MACROD2: variants seen among roughly 807,000 people sequenced by gnomAD.
MACROD2 encodes mono-ADP ribosylhydrolase 2.
In MACROD2, 36 loss-of-function variants were observed where a neutral mutation model predicts 70.4. That is an observed-to-expected ratio of 0.51 (90% CI 0.39 to 0.68). MACROD2 has a LOEUF of 0.68. MACROD2 is among the 30% of genes least tolerant of loss of function. The pLI is 0.00. For synonymous variants in MACROD2, 172 were observed against 178.8 expected (o/e 0.96, Z 0.30); for missense variants, 496 against 538.4 (o/e 0.92, Z 0.78).
At chr20:15,606,983 C>T (rs1008099389) in intron 8 of MACROD2, among the ~76,000 whole-genome samples, 8 of 139,312 alleles carry the variant, frequency 5.7e-5, no homozygotes, top group Admixed American at 1.5e-4. Flanking sequence ...GCCTGGGCAA[C>T]GAGAGCAAAA....
intron 15 of MACROD2, among the ~76,000 whole-genome samples, chr20:16,039,438 A>G (rs934384075): frequency 2.1e-4 from 32 of 151,858 alleles, no homozygotes; most frequent in Non-Finnish European, 5.9e-5. Flanking sequence ...AAAAGGCCTT[A>G]TATATTAAAG....
intron 15 of MACROD2, among the ~76,000 whole-genome samples, chr20:16,022,328 G>A (rs2067014854): frequency 6.6e-6 from 1 of 152,140 alleles, no homozygotes; most frequent in Non-Finnish European, 1.5e-5. Flanking sequence ...TGGGATTACA[G>A]GAGTGAGCCA....
chr20:14,842,152 G>A lies in MACROD2; in HGVS notation c.418+157193G>A, dbSNP rs534505362. ...AAGGCATCGCATGGCGAGACCGACC[G>A]TTCTCTAGAGAGAGGAAATGTGGCC... On this transcript the variant is annotated intron_variant, in intron 5 of 17. Coordinates refer to ENST00000684519, the MANE Select transcript of MACROD2 (RefSeq NM_001351661.2). 6.6e-5 allele frequency among the ~76,000 whole-genome samples: 10 copies of A among 152,152 alleles called. 1 individual carries two copies. Among genetic ancestry groups the A allele is most frequent in the Non-Finnish European group, 1.3e-4 (9 of 67,978 alleles).
chr20:14,625,872 G>T (rs1984119684), intron 4 of MACROD2, among the ~76,000 whole-genome samples: 1 of 152,202 alleles, frequency 6.6e-6, no homozygotes, highest in East Asian at 1.9e-4. Context: ...GCCCAGGCTG[G>T]AGTGCAATGG....
intron 3 of MACROD2, among the ~76,000 whole-genome samples, chr20:14,283,487 A>G (rs553728364): frequency 8.5e-5 from 13 of 152,324 alleles, no homozygotes; most frequent in African/African-American, 3.1e-4. Context: ...TTTATTCTCC[A>G]AGAGTGCCTT....
intron 9 of MACROD2, among the ~76,000 whole-genome samples, chr20:15,881,692 C>A (rs931107775): frequency 6.6e-6 from 1 of 151,996 alleles, no homozygotes; most frequent in Non-Finnish European, 1.5e-5. Flanking sequence ...GACCTTGGGG[C>A]CTTTCGTTAG....
chr20:15,741,039 A>G (rs1166760242), intron 8 of MACROD2, among the ~76,000 whole-genome samples: 3 of 151,878 alleles, frequency 2.0e-5, no homozygotes, highest in African/African-American at 7.3e-5. Context: ...CTCACTCAAA[A>G]TAAATGTGGA....
chr20:14,721,101 A>G (rs111340319), intron 5 of MACROD2, among the ~76,000 whole-genome samples: 1,833 of 151,764 alleles, frequency 0.012, 39 homozygotes, highest in African/African-American at 0.042. Flanking sequence ...CTAAAATACA[A>G]AAAGTTAGCT....
At chr20:15,229,548 G>A (rs958540856) in intron 5 of MACROD2, among the ~76,000 whole-genome samples, 4 of 152,022 alleles carry the variant, frequency 2.6e-5, no homozygotes, top group Non-Finnish European at 4.4e-5. Flanking sequence ...GGCTCTTCCC[G>A]TGCCAATCCA....
At chr20:15,636,766 C>T (rs745791157) in intron 8 of MACROD2, among the ~76,000 whole-genome samples, 4 of 152,036 alleles carry the variant, frequency 2.6e-5, no homozygotes, top group African/African-American at 9.7e-5. Flanking sequence ...GAAGACTCAA[C>T]GCCGGGGTCC....
At chr20:15,575,196 G>T (rs56230743) in intron 8 of MACROD2, among the ~76,000 whole-genome samples, 3 of 151,946 alleles carry the variant, frequency 2.0e-5, no homozygotes, top group Admixed American at 6.6e-5. Context: ...TTCTTGCAAG[G>T]TTTGCTTTCA....
At chr20:14,367,244 A>C (rs188368241) in intron 3 of MACROD2, among the ~76,000 whole-genome samples, 28 of 152,344 alleles carry the variant, frequency 1.8e-4, no homozygotes, top group African/African-American at 6.5e-4. Context: ...GTCTGATAAC[A>C]TACATTATAA....
At chr20:15,971,750 G>T (rs2066233955) in intron 13 of MACROD2, among the ~76,000 whole-genome samples, 1 of 151,988 alleles carries the variant, frequency 6.6e-6, no homozygotes, top group Admixed American at 6.6e-5. Flanking sequence ...ATAATAAACT[G>T]TCCTTTATCT....
intron 8 of MACROD2, among the ~76,000 whole-genome samples, chr20:15,784,324 G>A (rs1213097677): frequency 6.6e-6 from 1 of 151,046 alleles, no homozygotes; most frequent in East Asian, 1.9e-4. Context: ...TCTGAGGAAT[G>A]ATTTTTTTCT....
intron 7 of MACROD2, among the ~76,000 whole-genome samples, chr20:15,491,889 CTT>C (rs1465408078): frequency 1.3e-5 from 2 of 152,216 alleles, no homozygotes; most frequent in Non-Finnish European, 2.9e-5. Context: ...AGCATCTGCT[CTT>C]GTTACCCAAC....
intron 3 of MACROD2, among the ~76,000 whole-genome samples, chr20:14,425,910 A>G (rs2083927607): frequency 6.6e-6 from 1 of 152,176 alleles, no homozygotes; most frequent in Admixed American, 6.5e-5. Context: ...CTGAAAATAT[A>G]CCTTTTACTT....
At chr20:14,593,279 A>T (rs935476579) in intron 4 of MACROD2, among the ~76,000 whole-genome samples, 1 of 152,210 alleles carries the variant, frequency 6.6e-6, no homozygotes, top group Non-Finnish European at 1.5e-5. Flanking sequence ...AGATGTTTTT[A>T]AGAGTACAGA....
chr20:14,567,663 T>TGTCAGCTGACTGACAATACAGTCA (rs1600394735), intron 4 of MACROD2, among the ~76,000 whole-genome samples: 2 of 152,124 alleles, frequency 1.3e-5, no homozygotes, highest in African/African-American at 4.8e-5. Flanking sequence ...TAAAGTGTAT[T>TGTCAGCTGACTGACAATACAGTCA]GTCAGCTGAC....
At chr20:15,897,681 A>G (rs930150987) in intron 10 of MACROD2, among the ~76,000 whole-genome samples, 2 of 151,850 alleles carry the variant, frequency 1.3e-5, no homozygotes, top group African/African-American at 4.8e-5. Flanking sequence ...CTGTATTTCT[A>G]ATATAGTTTT....
Sources: allele counts gnomAD v4.1 joint callset (sites outside exome capture counted in the v4.1 genomes callset), GRCh38; gene constraint gnomAD v4.1.1; transcripts MANE v1.5; gene names NCBI Gene and HGNC (gene_info 2026-07-23, HGNC 2026-07-21).